The following CNTNAP2 variants were observed in gnomAD, a reference collection of about 807,000 sequenced individuals.
CNTNAP2 encodes contactin associated protein 2.
CNTNAP2 carries 98 observed loss-of-function variants against 155.2 expected under a neutral mutation model. That is an observed-to-expected ratio of 0.63 (90% CI 0.54 to 0.75). CNTNAP2 has a LOEUF of 0.75. CNTNAP2 is among the 30% of genes least tolerant of loss of function. The pLI is 0.00. For missense variants in CNTNAP2, 1,727 were observed against 1,688.1 expected, an observed-to-expected ratio of 1.02 and a Z score of -0.40; for synonymous variants, 651 against 631.2, an observed-to-expected ratio of 1.03 and a Z score of -0.47.
intron 13 of CNTNAP2, chr7:147,671,905 T>C (rs1021215666): frequency 6.6e-6 from 1 of 152,170 alleles, no homozygotes; most frequent in African/African-American, 2.4e-5. Flanking sequence ...CTAGTAGATA[T>C]TGTGAAGATA....
intron 13 of CNTNAP2, among the ~76,000 whole-genome samples, chr7:147,656,143 C>T (rs550739653): frequency 6.6e-6 from 1 of 152,300 alleles, no homozygotes; most frequent in African/African-American, 2.4e-5. Context: ...AGAGTTAGGG[C>T]CTTGCTCTGG....
At chr7:146,993,596 A>G (rs1253059817) in intron 3 of CNTNAP2, among the ~76,000 whole-genome samples, 3 of 152,050 alleles carry the variant, frequency 2.0e-5, no homozygotes, top group Non-Finnish European at 4.4e-5. Context: ...GTGGCCCGAC[A>G]TTCCTGGTGG....
chr7:146,420,225 C>A (rs924463263), intron 1 of CNTNAP2, among the ~76,000 whole-genome samples: 1 of 151,936 alleles, frequency 6.6e-6, no homozygotes, highest in African/African-American at 2.4e-5. Context: ...GTTAAAAAAC[C>A]CAGGCAATTT....
intron 9 of CNTNAP2, among the ~76,000 whole-genome samples, chr7:147,349,427 T>C (rs1795932527): frequency 6.6e-6 from 1 of 151,924 alleles, no homozygotes; most frequent in South Asian, 2.1e-4. Context: ...AACAATATTT[T>C]TCCTTGTGAA....
chr7:147,621,212 C>G (rs1794842378), intron 12 of CNTNAP2, among the ~76,000 whole-genome samples: 1 of 151,808 alleles, frequency 6.6e-6, no homozygotes, highest in African/African-American at 2.4e-5. Context: ...AACACCAGAC[C>G]TGTCCTATGA....
In CNTNAP2 at chr7:147,144,269, G is replaced by A. The variant is rs77392732; in HGVS notation, c.1348+11760G>A. 6.7e-3 allele frequency among the ~76,000 whole-genome samples: 1,026 copies of A among 152,260 alleles called. 14 individuals are homozygous for A. The highest frequency in any genetic ancestry group is 0.023 in the African/African-American group (965 of 41,546). On this transcript the variant is annotated intron_variant, in intron 8 of 23. Transcript: ENST00000361727. ...CAAACAGAAAAACATAAACTTTAGAGTAACTTTATACGAGACATTACGTGT... is the reference window on the plus strand; with the variant it reads ...CAAACAGAAAAACATAAACTTTAGAATAACTTTATACGAGACATTACGTGT...
chr7:146,721,883 A>T (rs1202276167), intron 1 of CNTNAP2, among the ~76,000 whole-genome samples: 1 of 81,014 alleles, frequency 1.2e-5, no homozygotes, highest in African/African-American at 2.0e-4. Flanking sequence ...GTGTATATAT[A>T]TATATATTTT....
intron 13 of CNTNAP2, among the ~76,000 whole-genome samples, chr7:147,800,669 C>T (rs534360085): frequency 2.3e-4 from 35 of 152,246 alleles, no homozygotes; most frequent in African/African-American, 7.7e-4. Context: ...TCATTGTGGG[C>T]TTCCGTGATT....
At chr7:146,380,840 C>A (rs1420254749) in intron 1 of CNTNAP2, among the ~76,000 whole-genome samples, 6 of 114,754 alleles carry the variant, frequency 5.2e-5, no homozygotes, top group Non-Finnish European at 9.8e-5. Context: ...CGCTGTCGCC[C>A]AGGCTGGAGT....
At chr7:146,714,710 G>A (rs1364742090) in intron 1 of CNTNAP2, among the ~76,000 whole-genome samples, 3 of 151,990 alleles carry the variant, frequency 2.0e-5, no homozygotes, top group Admixed American at 1.3e-4. Flanking sequence ...AATAAAAATG[G>A]GTTATTTCTA....
At chr7:146,830,853 G>A (rs1459270310) in intron 2 of CNTNAP2, among the ~76,000 whole-genome samples, 1 of 152,154 alleles carries the variant, frequency 6.6e-6, no homozygotes, top group Non-Finnish European at 1.5e-5. Context: ...ACAGTATACA[G>A]GATGAAAGCC....
chr7:146,915,017 G>T (rs1256204704), intron 3 of CNTNAP2, among the ~76,000 whole-genome samples: 1 of 152,026 alleles, frequency 6.6e-6, no homozygotes, highest in East Asian at 1.9e-4. Context: ...TGAGGATCCA[G>T]TTTTCTTCTT....
At chr7:146,435,547 T>A (rs1584924221) in intron 1 of CNTNAP2, among the ~76,000 whole-genome samples, 1 of 152,304 alleles carries the variant, frequency 6.6e-6, no homozygotes, top group East Asian at 1.9e-4. Flanking sequence ...TGTAAACATC[T>A]CTAGTAGAAT....
chr7:146,783,841 C>A (rs1019510897), intron 2 of CNTNAP2, among the ~76,000 whole-genome samples: 4 of 152,306 alleles, frequency 2.6e-5, no homozygotes, highest in Admixed American at 2.0e-4. Context: ...TTTGGAGAAT[C>A]ACAGATCGTC....
intron 1 of CNTNAP2, among the ~76,000 whole-genome samples, chr7:146,734,860 T>A (rs1210056225): frequency 2.6e-5 from 4 of 152,208 alleles, no homozygotes; most frequent in Non-Finnish European, 4.4e-5. Context: ...CAAACTGAGT[T>A]TTCCAAAATC....
intron 2 of CNTNAP2, among the ~76,000 whole-genome samples, chr7:146,830,108 C>T (rs921703247): frequency 2.0e-5 from 3 of 152,002 alleles, no homozygotes; most frequent in African/African-American, 7.2e-5. Context: ...TTTTGATAAT[C>T]GATGTCTAAT....
intron 1 of CNTNAP2, among the ~76,000 whole-genome samples, chr7:146,478,998 G>A (rs1796920876): frequency 6.6e-6 from 1 of 151,974 alleles, no homozygotes; most frequent in African/African-American, 2.4e-5. Context: ...TTTTAAAATT[G>A]CTTATTTAGT....
At chr7:146,904,780 T>A (rs570410574) in intron 3 of CNTNAP2, among the ~76,000 whole-genome samples, 2 of 152,268 alleles carry the variant, frequency 1.3e-5, no homozygotes, top group East Asian at 1.9e-4. Context: ...CGAGAATTCA[T>A]CTTTTGAGCA....
intron 1 of CNTNAP2, among the ~76,000 whole-genome samples, chr7:146,496,037 G>A (rs141224932): frequency 5.6e-4 from 85 of 152,280 alleles, no homozygotes; most frequent in African/African-American, 1.9e-3. Flanking sequence ...CCCCAGATGT[G>A]CCTTGATTGA....
Sources: allele counts gnomAD v4.1 joint callset (sites outside exome capture counted in the v4.1 genomes callset), GRCh38; gene constraint gnomAD v4.1.1; transcripts MANE v1.5; gene names NCBI Gene and HGNC (gene_info 2026-07-23, HGNC 2026-07-21).